Variants in SUPT3H observed in about 807,000 individuals in gnomAD.
SUPT3H encodes SPT3 homolog, SAGA and STAGA complex component.
In SUPT3H, 44 loss-of-function variants were observed where a neutral mutation model predicts 44.3. That is an observed-to-expected ratio of 0.99 (90% CI 0.78 to 1.28). The LOEUF (loss-of-function observed/expected upper bound fraction) is 1.28, where lower values mean the gene tolerates loss of function less well. Ranked by LOEUF, SUPT3H falls within the 50% of genes most tolerant of loss-of-function variation. SUPT3H has a pLI of 0.00. For missense variants in SUPT3H, 380 were observed against 387.1 expected, an observed-to-expected ratio of 0.98 and a Z score of 0.15; for synonymous variants, 124 against 125.6, an observed-to-expected ratio of 0.99 and a Z score of 0.09.
At chr6:44,974,512 T>C (rs1185382150) in intron 6 of SUPT3H, among the ~76,000 whole-genome samples, 3 of 152,188 alleles carry the variant, frequency 2.0e-5, no homozygotes, top group Admixed American at 6.5e-5. Context: ...TACTGTACTA[T>C]ACACATTGCC....
At chr6:45,014,714 C>A (rs1025971922) in intron 5 of SUPT3H, 87 bp downstream of exon 5, 21 of 838,422 alleles carry the variant, frequency 2.5e-5, no homozygotes, top group African/African-American at 2.3e-4. Flanking sequence ...AACTAGTTCT[C>A]CAGTTACATT....
chr6:44,828,062 T>G lies in SUPT3H; in HGVS notation c.*1754A>C, dbSNP rs1356045326. On this transcript the variant is annotated 3_prime_UTR_variant, in exon 11 of 11. Transcript: ENST00000371459. ...AACCCTATATTTTCTGCCTTGTGCA[T>G]ACTTTAAAATGTATAATGTGGGAGA... is the stretch of plus-strand genomic sequence containing the variant. Among the ~76,000 whole-genome samples the G allele has an allele frequency of 6.6e-6, 1 of 152,136 alleles. No homozygotes were observed. The highest frequency in any genetic ancestry group is 1.5e-5 in the Non-Finnish European group (1 of 67,984).
chr6:44,977,305 A>G (rs1197616019), intron 6 of SUPT3H, among the ~76,000 whole-genome samples: 1 of 152,250 alleles, frequency 6.6e-6, no homozygotes, highest in African/African-American at 2.4e-5. Flanking sequence ...ATCACAGCAT[A>G]GAACAGCAGT....
At chr6:45,317,265 A>C (rs951486392) in intron 2 of SUPT3H, among the ~76,000 whole-genome samples, 1 of 149,546 alleles carries the variant, frequency 6.7e-6, no homozygotes, top group Non-Finnish European at 1.5e-5. Context: ...ATATTGTCAA[A>C]ATGTCCAGAC....
intron 2 of SUPT3H, among the ~76,000 whole-genome samples, chr6:45,270,570 G>A (rs1334529085): frequency 6.6e-6 from 1 of 152,184 alleles, no homozygotes; most frequent in Non-Finnish European, 1.5e-5. Context: ...CCATAATTGT[G>A]AGGGTTCCTC....
intron 2 of SUPT3H, among the ~76,000 whole-genome samples, chr6:45,231,643 A>G (rs1257728475): frequency 6.6e-6 from 1 of 152,144 alleles, no homozygotes; most frequent in Non-Finnish European, 1.5e-5. Context: ...ATCTCTTGCT[A>G]GACTTAGGAA....
At chr6:45,370,916 T>TA (rs542828887) in intron 1 of SUPT3H, among the ~76,000 whole-genome samples, 5 of 151,050 alleles carry the variant, frequency 3.3e-5, no homozygotes, top group South Asian at 2.1e-4. Flanking sequence ...AAATTGAGTT[T>TA]AAAAAAAAAA....
At chr6:45,061,981 C>A (rs1792164191) in intron 3 of SUPT3H, among the ~76,000 whole-genome samples, 1 of 144,710 alleles carries the variant, frequency 6.9e-6, no homozygotes, top group Admixed American at 7.1e-5. Context: ...CACTTACACA[C>A]TAAAACACAC....
rs559597410 is a variant in SUPT3H at position 45,081,637 on chromosome 6, T to C, written c.186+24285A>G. ...GCTCCTCTGTGGCTAGAAATCACCATCCAATCTAACTCTACGTCTTATATA... is the reference window on the plus strand; with the variant it reads ...GCTCCTCTGTGGCTAGAAATCACCACCCAATCTAACTCTACGTCTTATATA... On this transcript the variant is annotated intron_variant, in intron 3 of 10. Coordinates refer to ENST00000371459, the MANE Select transcript of SUPT3H (RefSeq NM_003599.4). Among the ~76,000 whole-genome samples the C allele has an allele frequency of 5.9e-5, 9 of 152,226 alleles. No individual in the cohort carries two copies. In the East Asian group the frequency reaches 7.7e-4, roughly 13 times the overall value.
intron 10 of SUPT3H, among the ~76,000 whole-genome samples, chr6:44,869,205 T>C (rs1267742454): frequency 6.6e-6 from 1 of 152,140 alleles, no homozygotes; most frequent in Non-Finnish European, 1.5e-5. Flanking sequence ...CTTTGTCTTT[T>C]TTTTTTTCTT....
At chr6:45,107,001 G>T (rs553206098) in intron 2 of SUPT3H, among the ~76,000 whole-genome samples, 1 of 152,252 alleles carries the variant, frequency 6.6e-6, no homozygotes, top group Admixed American at 6.5e-5. Flanking sequence ...TTGAAAGTTG[G>T]TAAGAAAAAT....
chr6:44,932,966 A>C (rs1415988194), intron 9 of SUPT3H, among the ~76,000 whole-genome samples: 2 of 152,176 alleles, frequency 1.3e-5, no homozygotes, highest in Admixed American at 6.6e-5. Flanking sequence ...TAGCAGACCT[A>C]CCAAACGCAA....
intron 9 of SUPT3H, among the ~76,000 whole-genome samples, chr6:44,952,713 T>C (rs1011121041): frequency 1.3e-5 from 2 of 152,208 alleles, no homozygotes; most frequent in Non-Finnish European, 1.5e-5. Flanking sequence ...ACAGAGGAGA[T>C]TCTGTATACT....
intron 10 of SUPT3H, among the ~76,000 whole-genome samples, chr6:44,847,384 AC>A (rs1320662602): frequency 1.3e-5 from 2 of 152,250 alleles, no homozygotes; most frequent in Admixed American, 6.5e-5. Flanking sequence ...AACAGCACTT[AC>A]ACTTGTGTTT....
chr6:44,963,992 C>T (rs991597705), intron 6 of SUPT3H, among the ~76,000 whole-genome samples: 5 of 142,082 alleles, frequency 3.5e-5, no homozygotes, highest in Non-Finnish European at 6.4e-5. Flanking sequence ...AGGGAGACTC[C>T]GTTTCAAAAA....
intron 10 of SUPT3H, among the ~76,000 whole-genome samples, chr6:44,852,732 T>C (rs1369506410): frequency 6.6e-6 from 1 of 152,234 alleles, no homozygotes; most frequent in Admixed American, 6.5e-5. Context: ...AGTGTTTTAT[T>C]AAACAAAAAC....
At chr6:45,344,160 A>G (rs545040549) in intron 2 of SUPT3H, among the ~76,000 whole-genome samples, 1 of 152,330 alleles carries the variant, frequency 6.6e-6, no homozygotes, top group African/African-American at 2.4e-5. Flanking sequence ...GAGAAAGAAC[A>G]TCCACTAAAT....
At chr6:45,284,636 G>A (rs1246353029) in intron 2 of SUPT3H, among the ~76,000 whole-genome samples, 2 of 152,066 alleles carry the variant, frequency 1.3e-5, no homozygotes, top group African/African-American at 4.8e-5. Context: ...CAGTACCAGA[G>A]GGATTCACAG....
chr6:45,235,645 G>A (rs992803718), intron 2 of SUPT3H, among the ~76,000 whole-genome samples: 2 of 152,092 alleles, frequency 1.3e-5, no homozygotes. Flanking sequence ...GTGAGAAGGT[G>A]GAAAATTGGG....
Sources: gnomAD v4.1 joint callset for allele counts (sites outside exome capture counted in the v4.1 genomes callset) on GRCh38, gnomAD v4.1.1 for gene constraint, MANE v1.5 for transcripts, NCBI Gene and HGNC (gene_info 2026-07-23, HGNC 2026-07-21) for gene names.